The following LRRTM4 variants were observed in gnomAD, a reference collection of about 807,000 sequenced individuals.
LRRTM4 encodes the protein leucine-rich repeat transmembrane neuronal protein 4.
Under a neutral mutation model 47.6 loss-of-function variants are expected in LRRTM4, and 25 were observed. That is an observed-to-expected ratio of 0.53 (90% CI 0.38 to 0.73). The LOEUF is 0.73. Ranked by LOEUF, LRRTM4 falls within the 30% of genes least tolerant of loss-of-function variation. The pLI, the probability that LRRTM4 is intolerant of heterozygous loss-of-function variation, is 0.00. For synonymous variants in LRRTM4, 311 were observed against 269.5 expected, an observed-to-expected ratio of 1.15 and a Z score of -1.51; for missense variants, 638 against 713.4, an observed-to-expected ratio of 0.89 and a Z score of 1.20.
intron 3 of LRRTM4, among the ~76,000 whole-genome samples, chr2:77,008,828 T>A (rs1677757377): frequency 6.6e-6 from 1 of 152,078 alleles, no homozygotes; most frequent in Non-Finnish European, 1.5e-5. Context: ...TAGTAGCTTA[T>A]TACTTTTTCC....
chr2:77,213,371 G>C (rs908553999), intron 3 of LRRTM4, among the ~76,000 whole-genome samples: 1 of 151,894 alleles, frequency 6.6e-6, no homozygotes, highest in Non-Finnish European at 1.5e-5. Context: ...TGTGTCATGT[G>C]GTCATGTCAC....
chr2:77,426,169 G>A (rs551757987), intron 3 of LRRTM4, among the ~76,000 whole-genome samples: 14 of 150,072 alleles, frequency 9.3e-5, no homozygotes, highest in African/African-American at 2.4e-4. Flanking sequence ...TCCCCTGTTC[G>A]ATTAATCAAA....
At chr2:77,491,444 A>T (rs188897689) in intron 3 of LRRTM4, among the ~76,000 whole-genome samples, 2 of 152,184 alleles carry the variant, frequency 1.3e-5, no homozygotes, top group Non-Finnish European at 2.9e-5. Context: ...CACATTCCAA[A>T]CAATATCAAT....
At chr2:77,028,584 G>A (rs1678534732) in intron 3 of LRRTM4, among the ~76,000 whole-genome samples, 2 of 151,894 alleles carry the variant, frequency 1.3e-5, no homozygotes, top group South Asian at 2.1e-4. Context: ...ACAAGAATAA[G>A]GTAAATATTG....
chr2:76,896,612 G>GT (rs1168786672), intron 3 of LRRTM4, among the ~76,000 whole-genome samples: 1 of 151,776 alleles, frequency 6.6e-6, no homozygotes, highest in Non-Finnish European at 1.5e-5. Context: ...TGTTTAGAGA[G>GT]TTTTTTCAGA....
intron 3 of LRRTM4, among the ~76,000 whole-genome samples, chr2:76,805,551 A>G (rs1675924000): frequency 6.6e-6 from 1 of 152,198 alleles, no homozygotes; most frequent in Non-Finnish European, 1.5e-5. Flanking sequence ...CTGAAAATAT[A>G]TTAAATTCTC....
At position 77,012,331 on chromosome 2, in the gene LRRTM4, T is replaced by A. The variant is rs549040159; in HGVS notation, c.1552-263415A>T. Among the ~76,000 whole-genome samples the A allele has an allele frequency of 9.2e-5, 14 of 152,236 alleles. No homozygotes were observed. In the East Asian group the frequency reaches 2.7e-3, roughly 29 times the overall value. On this transcript the variant is annotated intron_variant, in intron 3 of 3. Transcript: ENST00000409884. Reference sequence around the variant, plus strand: ...GAAATCAGTATTATAACACAGAGGTTTGAAACGGATGTTCTAGTAAAACCT... The same window carrying A: ...GAAATCAGTATTATAACACAGAGGTATGAAACGGATGTTCTAGTAAAACCT...
chr2:77,463,000 C>T (rs959048396), intron 3 of LRRTM4, among the ~76,000 whole-genome samples: 1 of 151,890 alleles, frequency 6.6e-6, no homozygotes, highest in Non-Finnish European at 1.5e-5. Flanking sequence ...TTATTTGATT[C>T]TATCAATTTA....
At chr2:76,858,986 A>T (rs979275815) in intron 3 of LRRTM4, among the ~76,000 whole-genome samples, 1 of 152,178 alleles carries the variant, frequency 6.6e-6, no homozygotes, top group Non-Finnish European at 1.5e-5. Flanking sequence ...GGCCATTTGC[A>T]GCTTTTCTCA....
chr2:77,223,763 T>C (rs946339222), intron 3 of LRRTM4, among the ~76,000 whole-genome samples: 2 of 151,958 alleles, frequency 1.3e-5, no homozygotes, highest in East Asian at 1.9e-4. Context: ...AGAATCAATA[T>C]CGTGAAAATG....
Position 77,205,028 on chromosome 2 carries a change from T to C in LRRTM4, c.1551+313290A>G, listed in dbSNP as rs535447585. ...AGTTACAGAATTAATTTGAAAGATT[T>C]ATAACTCCCTATTTTTGGAAATCAT... On this transcript the variant is annotated intron_variant, in intron 3 of 3. Transcript: ENST00000409884. Among the ~76,000 whole-genome samples, 103 of 152,324 alleles carry C rather than the reference T, an allele frequency of 6.8e-4. No individual in the cohort carries two copies. The Middle Eastern group carries it at 0.01, about 15-fold the overall frequency.
At chr2:77,018,203 G>GT (rs199695699) in intron 3 of LRRTM4, among the ~76,000 whole-genome samples, 1,744 of 67,634 alleles carry the variant, frequency 0.026, 36 homozygotes, top group African/African-American at 0.083. Flanking sequence ...AATTTTTTTT[G>GT]TTTTTTTTTT....
chr2:77,259,982 C>T (rs1163640196), intron 3 of LRRTM4, among the ~76,000 whole-genome samples: 1 of 151,966 alleles, frequency 6.6e-6, no homozygotes, highest in Non-Finnish European at 1.5e-5. Context: ...AAGGAGAGTG[C>T]ATTCTATGTG....
intron 3 of LRRTM4, among the ~76,000 whole-genome samples, chr2:76,789,521 T>C (rs1215082636): frequency 1.3e-5 from 2 of 152,204 alleles, no homozygotes; most frequent in East Asian, 3.8e-4. Flanking sequence ...AAAAACATAA[T>C]GAGGGTTTGT....
At chr2:77,477,181 C>T (rs1425553662) in intron 3 of LRRTM4, among the ~76,000 whole-genome samples, 3 of 151,934 alleles carry the variant, frequency 2.0e-5, no homozygotes, top group Non-Finnish European at 4.4e-5. Flanking sequence ...AGAGTGCACA[C>T]GATCATGATG....
chr2:77,289,590 T>C (rs989739341), intron 3 of LRRTM4, among the ~76,000 whole-genome samples: 3 of 152,026 alleles, frequency 2.0e-5, no homozygotes, highest in African/African-American at 7.2e-5. Context: ...GTTAGTGGTT[T>C]TTTTTTAGAA....
chr2:77,015,060 T>C (rs1018020730), intron 3 of LRRTM4, among the ~76,000 whole-genome samples: 2 of 152,180 alleles, frequency 1.3e-5, no homozygotes, highest in East Asian at 3.9e-4. Context: ...GCCTGGATAA[T>C]CAGGATGAGT....
At chr2:77,471,149 G>A (rs970248375) in intron 3 of LRRTM4, among the ~76,000 whole-genome samples, 4 of 151,912 alleles carry the variant, frequency 2.6e-5, no homozygotes, top group Non-Finnish European at 5.9e-5. Context: ...CTAAAAACTT[G>A]ACATACACAA....
intron 3 of LRRTM4, among the ~76,000 whole-genome samples, chr2:76,865,773 A>C: frequency 6.6e-6 from 1 of 152,318 alleles, no homozygotes; most frequent in Admixed American, 6.5e-5. Flanking sequence ...ACATTTAAAT[A>C]AGAGAGAATT....
Sources: allele counts gnomAD v4.1 joint callset (sites outside exome capture counted in the v4.1 genomes callset), GRCh38; gene constraint gnomAD v4.1.1; transcripts MANE v1.5; gene names NCBI Gene and HGNC (gene_info 2026-07-23, HGNC 2026-07-21).